Variants in ACTR3B observed in about 807,000 individuals in gnomAD.
The protein encoded by ACTR3B is actin related protein 3B.
Under a neutral mutation model 59.0 loss-of-function variants are expected in ACTR3B, and 8 were observed. The ratio of observed to expected loss-of-function variants is 0.14; its 90% CI spans 0.08 to 0.24. The LOEUF (loss-of-function observed/expected upper bound fraction) is 0.24, where lower values mean the gene tolerates loss of function less well. Ranked by LOEUF, ACTR3B falls within the 10% of genes least tolerant of loss-of-function variation. ACTR3B has a pLI of 1.00. For missense variants in ACTR3B, 245 were observed against 552.3 expected (o/e 0.44, Z 5.58); for synonymous variants, 148 against 197.9 (o/e 0.75, Z 2.12).
chr7:152,771,929 G>A (rs934490478), intron 1 of ACTR3B, among the ~76,000 whole-genome samples: 11 of 152,132 alleles, frequency 7.2e-5, no homozygotes, highest in Non-Finnish European at 1.6e-4. Context: ...GCCAGGTGTG[G>A]TGGTGCATGC....
At chr7:152,788,347 G>A (rs140490696) in intron 2 of ACTR3B, among the ~76,000 whole-genome samples, 1 of 151,766 alleles carries the variant, frequency 6.6e-6, no homozygotes, top group East Asian at 1.9e-4. Context: ...CTTGAAGATG[G>A]TATATGTGTT....
chr7:152,763,118 C>A (rs2098095332), intron 1 of ACTR3B, among the ~76,000 whole-genome samples: 2 of 151,922 alleles, frequency 1.3e-5, no homozygotes, highest in Admixed American at 6.6e-5. Flanking sequence ...GAGTTCGAGA[C>A]CAACCTGGCC....
At chr7:152,768,220 C>A (rs973988222) in intron 1 of ACTR3B, among the ~76,000 whole-genome samples, 1 of 152,226 alleles carries the variant, frequency 6.6e-6, no homozygotes, top group East Asian at 1.9e-4. Flanking sequence ...CAGACGCTGT[C>A]TCAAAAATAA....
At chr7:152,839,025 C>T (rs749556981) in intron 9 of ACTR3B, among the ~76,000 whole-genome samples, 2 of 151,640 alleles carry the variant, frequency 1.3e-5, no homozygotes, top group African/African-American at 4.9e-5. Context: ...CATTGTTTGA[C>T]TTGCGACCTG....
At chr7:152,823,610 AGCAGGGTGGCC>A in intron 8 of ACTR3B, 95 bp downstream of exon 8, 1 of 1,422,828 alleles carries the variant, frequency 7.0e-7, no homozygotes, top group East Asian at 2.3e-5. Context: ...AGGGCCTGTG[AGCAGGGTGGCC>A]GTCATTCGGT....
At chr7:152,852,901 C>G (rs1333049109) in intron 10 of ACTR3B, among the ~76,000 whole-genome samples, 3 of 152,060 alleles carry the variant, frequency 2.0e-5, no homozygotes, top group African/African-American at 7.2e-5. Flanking sequence ...ACACCATTCT[C>G]CTGCCTCAGC....
chr7:152,837,387 A>G (rs2116939320), intron 9 of ACTR3B, among the ~76,000 whole-genome samples: 1 of 152,376 alleles, frequency 6.6e-6, no homozygotes, highest in African/African-American at 2.4e-5. Flanking sequence ...ATAAGAAACC[A>G]AAGCAAATGA....
chr7:152,787,496 TA>T (rs1175214922), intron 2 of ACTR3B, among the ~76,000 whole-genome samples: 1 of 151,866 alleles, frequency 6.6e-6, no homozygotes, highest in Non-Finnish European at 1.5e-5. Context: ...TGTTTCTGTT[TA>T]AAAAATGCAT....
intron 2 of ACTR3B, among the ~76,000 whole-genome samples, chr7:152,796,706 A>G (rs1318828806): frequency 9.0e-6 from 1 of 111,136 alleles, no homozygotes; most frequent in Non-Finnish European, 2.1e-5. Flanking sequence ...CATATCAGAA[A>G]CTGTTTTTTG....
chr7:152,847,643 G>A (rs1167880965), intron 9 of ACTR3B, among the ~76,000 whole-genome samples: 1 of 152,178 alleles, frequency 6.6e-6, no homozygotes, highest in Non-Finnish European at 1.5e-5. Flanking sequence ...AAGTCAGGGC[G>A]GCAGAAGAGC....
At chr7:152,809,332 T>C (rs1225461322) in intron 4 of ACTR3B, among the ~76,000 whole-genome samples, 2 of 151,402 alleles carry the variant, frequency 1.3e-5, no homozygotes, top group African/African-American at 4.9e-5. Context: ...GGTAGGTAGA[T>C]TTGCTTGCTT....
intron 2 of ACTR3B, among the ~76,000 whole-genome samples, chr7:152,786,173 G>A (rs368328914): frequency 0.022 from 1,518 of 70,126 alleles, 41 homozygotes; most frequent in Middle Eastern, 0.08. Flanking sequence ...GAGAAAAAGG[G>A]CACACATTTT....
Position 152,827,649 on chromosome 7 carries a change from G to T in ACTR3B, c.951+2527G>T, listed in dbSNP as rs201052608. On this transcript the variant is annotated intron_variant, in intron 9 of 11. Coordinates refer to ENST00000256001, the MANE Select transcript of ACTR3B (RefSeq NM_020445.6). ...CACATCGCCTCAGGTCCCCGCTGCC[G>T]GGGAGGAGACAGCTGGTGCGCCATT... Among the ~76,000 whole-genome samples the T allele has an allele frequency of 5.1e-4, 77 of 151,012 alleles. No individual in the cohort carries two copies. The East Asian group carries it at 0.013, about 25-fold the overall frequency.
chr7:152,818,730 TGAG>T (rs1795914810), intron 6 of ACTR3B, among the ~76,000 whole-genome samples: 1 of 152,280 alleles, frequency 6.6e-6, no homozygotes, highest in Non-Finnish European at 1.5e-5. Flanking sequence ...ATTACAGGCG[TGAG>T]CCACTATGCC....
At chr7:152,785,379 G>GAGAGA (rs779712172) in intron 2 of ACTR3B, among the ~76,000 whole-genome samples, 2,049 of 7,566 alleles carry the variant, frequency 0.27, 552 homozygotes, top group African/African-American at 0.57. Flanking sequence ...TTTGTTGTGA[G>GAGAGA]GGGGGGGGGA....
intron 4 of ACTR3B, among the ~76,000 whole-genome samples, chr7:152,802,204 G>A (rs2098238990): frequency 6.6e-6 from 1 of 152,082 alleles, no homozygotes; most frequent in African/African-American, 2.4e-5. Flanking sequence ...TGGATTTACT[G>A]TGACTGGTTT....
chr7:152,803,318 GATTATAGGCATGA>G (rs2098242749), intron 4 of ACTR3B, among the ~76,000 whole-genome samples: 1 of 152,206 alleles, frequency 6.6e-6, no homozygotes, highest in Non-Finnish European at 1.5e-5. Context: ...AAAGCGTTGG[GATTATAGGCATGA>G]GCCACCATAC....
At chr7:152,798,800 T>C (rs1227970456) in intron 2 of ACTR3B, among the ~76,000 whole-genome samples, 1 of 152,200 alleles carries the variant, frequency 6.6e-6, no homozygotes, top group Non-Finnish European at 1.5e-5. Context: ...GTAAAATCAG[T>C]TGAGTGTAAA....
chr7:152,853,651 GA>G, intron 11 of ACTR3B, 74 bp downstream of exon 11: 1 of 1,319,794 alleles, frequency 7.6e-7, no homozygotes. Flanking sequence ...TACTGTCTAC[GA>G]AGGTGAAATA....
Sources: gnomAD v4.1 joint callset for allele counts (sites outside exome capture counted in the v4.1 genomes callset) on GRCh38, gnomAD v4.1.1 for gene constraint, MANE v1.5 for transcripts, NCBI Gene and HGNC (gene_info 2026-07-23, HGNC 2026-07-21) for gene names.